Variants in EDIL3 observed in about 807,000 individuals in gnomAD.
The protein encoded by EDIL3 is EGF-like repeat and discoidin I-like domain-containing protein 3.
In EDIL3, 37 loss-of-function variants were observed where a neutral mutation model predicts 67.4. The observed-to-expected ratio is 0.55, with a 90% confidence interval of 0.42 to 0.72. EDIL3 has a LOEUF of 0.72. EDIL3 is among the 30% of genes least tolerant of loss of function. EDIL3 has a pLI of 0.00. For synonymous variants in EDIL3, 195 were observed against 196.3 expected, an observed-to-expected ratio of 0.99 and a Z score of 0.05; for missense variants, 527 against 586.3, an observed-to-expected ratio of 0.90 and a Z score of 1.04.
At chr5:84,345,614 A>C (rs1002625935) in intron 1 of EDIL3, among the ~76,000 whole-genome samples, 1 of 152,202 alleles carries the variant, frequency 6.6e-6, no homozygotes, top group Non-Finnish European at 1.5e-5. Context: ...CTAGTTGGGC[A>C]AGACACAAGG....
chr5:84,294,979 T>A (rs1436862883), intron 1 of EDIL3, among the ~76,000 whole-genome samples: 1 of 152,174 alleles, frequency 6.6e-6, no homozygotes, highest in East Asian at 1.9e-4. Context: ...ACAGTATAAT[T>A]TATTTTATTA....
At chr5:84,082,574 G>T (rs1580318361) in intron 6 of EDIL3, among the ~76,000 whole-genome samples, 1 of 152,208 alleles carries the variant, frequency 6.6e-6, no homozygotes, top group East Asian at 1.9e-4. Context: ...TACATTCTTT[G>T]TGTTTTTCTG....
intron 9 of EDIL3, among the ~76,000 whole-genome samples, chr5:84,051,280 C>G (rs1746332514): frequency 6.6e-6 from 1 of 152,194 alleles, no homozygotes; most frequent in African/African-American, 2.4e-5. Context: ...AACTAACAAA[C>G]AGAAAGGACA....
At chr5:84,348,905 T>C (rs305651) in intron 1 of EDIL3, among the ~76,000 whole-genome samples, 2,837 of 152,332 alleles carry the variant, frequency 0.019, 101 homozygotes, top group African/African-American at 0.064. Flanking sequence ...AAAAATCATA[T>C]TTAATTACCT....
At chr5:84,126,342 C>A (rs887154523) in intron 5 of EDIL3, among the ~76,000 whole-genome samples, 1 of 151,946 alleles carries the variant, frequency 6.6e-6, no homozygotes, top group Non-Finnish European at 1.5e-5. Flanking sequence ...GGTTTCTAAA[C>A]CTTTTTTATA....
At chr5:84,223,427 G>A (rs187746479) in intron 3 of EDIL3, among the ~76,000 whole-genome samples, 3 of 151,544 alleles carry the variant, frequency 2.0e-5, no homozygotes, top group Non-Finnish European at 4.4e-5. Context: ...TTATATAATG[G>A]AATATTATTA....
At chr5:83,975,185 A>C (rs1423655383) in intron 9 of EDIL3, among the ~76,000 whole-genome samples, 1 of 152,016 alleles carries the variant, frequency 6.6e-6, no homozygotes, top group Non-Finnish European at 1.5e-5. Context: ...AGATGCTTAG[A>C]CTTTACTTCT....
At chr5:84,370,789 A>G (rs1329766992) in intron 1 of EDIL3, among the ~76,000 whole-genome samples, 2 of 152,200 alleles carry the variant, frequency 1.3e-5, no homozygotes, top group Non-Finnish European at 2.9e-5. Flanking sequence ...TACCATTTGT[A>G]CCATGATTCA....
At chr5:84,253,700 C>T (rs941176368) in intron 2 of EDIL3, among the ~76,000 whole-genome samples, 3 of 151,788 alleles carry the variant, frequency 2.0e-5, no homozygotes, top group African/African-American at 7.3e-5. Flanking sequence ...GATGGATATT[C>T]GAAGTCCCTA....
chr5:84,221,599 A>G (rs998079073), intron 3 of EDIL3, among the ~76,000 whole-genome samples: 1 of 152,112 alleles, frequency 6.6e-6, no homozygotes, highest in African/African-American at 2.4e-5. Flanking sequence ...TGGTCTTTCC[A>G]CTAATGTCTT....
chr5:84,373,156 C>T (rs1292572696), intron 1 of EDIL3, among the ~76,000 whole-genome samples: 1 of 152,078 alleles, frequency 6.6e-6, no homozygotes, highest in Non-Finnish European at 1.5e-5. Flanking sequence ...AGTATAAGTA[C>T]TCCTGATCTC....
chr5:83,949,007 T>G (rs1400820777), intron 10 of EDIL3, among the ~76,000 whole-genome samples: 1 of 151,878 alleles, frequency 6.6e-6, no homozygotes, highest in Non-Finnish European at 1.5e-5. Context: ...TTCAATATTC[T>G]AAGAAATGTT....
rs118058092 is a variant in EDIL3, at chr5:84,330,873, C to T, written c.67+53435G>A. Among the ~76,000 whole-genome samples, 179 of 152,268 alleles carry T rather than the reference C, an allele frequency of 1.2e-3. 3 individuals are homozygous for T. In the East Asian group the frequency reaches 0.023, roughly 20 times the overall value. On this transcript the variant is annotated intron_variant, in intron 1 of 10. Coordinates refer to ENST00000296591, the MANE Select transcript of EDIL3 (RefSeq NM_005711.5). Reference sequence around the variant, plus strand: ...TTAGGAAAGGGTTGGCACTCCAGCCCTTACAGCAACTTCTCTGTTGTTTAT... The same window carrying T: ...TTAGGAAAGGGTTGGCACTCCAGCCTTTACAGCAACTTCTCTGTTGTTTAT...
chr5:84,308,521 G>A (rs1258969663), intron 1 of EDIL3, among the ~76,000 whole-genome samples: 1 of 152,116 alleles, frequency 6.6e-6, no homozygotes, highest in African/African-American at 2.4e-5. Context: ...TTTATATGAT[G>A]GGTACATGCT....
chr5:84,252,295 T>C (rs941054720), intron 2 of EDIL3, among the ~76,000 whole-genome samples: 6 of 151,844 alleles, frequency 4.0e-5, no homozygotes, highest in African/African-American at 7.3e-5. Flanking sequence ...ATCGAGATCA[T>C]CCTGGCTAAC....
At chr5:84,209,559 G>A (rs192921626) in intron 3 of EDIL3, among the ~76,000 whole-genome samples, 4 of 152,000 alleles carry the variant, frequency 2.6e-5, no homozygotes, top group Admixed American at 6.6e-5. Flanking sequence ...GGTTTCTGCT[G>A]TATATCCTGG....
intron 1 of EDIL3, among the ~76,000 whole-genome samples, chr5:84,317,156 G>C (rs1052476196): frequency 1.3e-5 from 2 of 151,988 alleles, no homozygotes; most frequent in Non-Finnish European, 2.9e-5. Context: ...CAAGAGAAAG[G>C]AGGAAAGATC....
At chr5:84,234,091 T>C (rs1239993251) in intron 2 of EDIL3, among the ~76,000 whole-genome samples, 2 of 152,206 alleles carry the variant, frequency 1.3e-5, no homozygotes, top group Non-Finnish European at 2.9e-5. Flanking sequence ...GTTTTGTTGT[T>C]CCTTTTAAAA....
chr5:84,352,119 T>TA (rs575011006), intron 1 of EDIL3, among the ~76,000 whole-genome samples: 160 of 152,132 alleles, frequency 1.1e-3, no homozygotes, highest in Non-Finnish European at 1.9e-3. Flanking sequence ...TGACTTCTAT[T>TA]AAAAAAATTA....
Sources: gnomAD v4.1 joint callset for allele counts (sites outside exome capture counted in the v4.1 genomes callset) on GRCh38, gnomAD v4.1.1 for gene constraint, MANE v1.5 for transcripts, NCBI Gene and HGNC (gene_info 2026-07-23, HGNC 2026-07-21) for gene names.